CORO1C: variants seen among roughly 807,000 people sequenced by gnomAD.
CORO1C encodes the protein coronin 1C.
A neutral mutation model predicts 51.2 loss-of-function variants in CORO1C; 14 were observed. The ratio of observed to expected loss-of-function variants is 0.27; its 90% CI spans 0.18 to 0.43. The LOEUF is 0.43. Among genes scored for constraint, CORO1C ranks in the 20% least tolerant of loss-of-function variants. The pLI is 1.00. For missense variants in CORO1C, 417 were observed against 607.8 expected (o/e 0.69, Z 3.30); for synonymous variants, 181 against 210.5 (o/e 0.86, Z 1.21).
rs34182326 is a variant in CORO1C at position 108,714,397 on chromosome 12, C to CAAA, written c.-5-13077_-5-13075dup. Among the ~76,000 whole-genome samples, 14 of 94,934 alleles carry CAAA rather than the reference C, an allele frequency of 1.5e-4. 1 individual carries two copies. Among genetic ancestry groups the CAAA allele is most frequent in the African/African-American group, 4.3e-4 (10 of 23,252 alleles). 62.3% of individuals were successfully genotyped at this position (94,934 alleles called of 152,430 possible). A position where few individuals can be genotyped will look rare whatever the true frequency, so the allele number is the denominator to read the frequency against. ...CTGGCAACAGAGCGAGAGTCAGTCTCAAAAAAAAAAAAAAAAAAGAGGAAC... is the reference window on the plus strand; with the variant it reads ...CTGGCAACAGAGCGAGAGTCAGTCTCAAAAAAAAAAAAAAAAAAAAAGAGGAAC... On this transcript the variant is annotated intron_variant, in intron 1 of 10. Transcript: ENST00000261401.
intron 1 of CORO1C, chr12:108,702,708 A>C: frequency 6.0e-6 from 8 of 1,328,254 alleles, no homozygotes; most frequent in East Asian, 2.7e-5. Flanking sequence ...GGCTGTTGCT[A>C]ATTCCTTTCC....
At chr12:108,656,898 G>A (rs1212624891) in intron 6 of CORO1C, among the ~76,000 whole-genome samples, 1 of 152,102 alleles carries the variant, frequency 6.6e-6, no homozygotes, top group Non-Finnish European at 1.5e-5. Flanking sequence ...AGTACCCAGG[G>A]ACACAAACAC....
At chr12:108,675,893 T>A (rs2033889843) in intron 3 of CORO1C, among the ~76,000 whole-genome samples, 1 of 152,124 alleles carries the variant, frequency 6.6e-6, no homozygotes, top group Non-Finnish European at 1.5e-5. Flanking sequence ...AGCTGCCAAT[T>A]TGCAGGAAAT....
intron 2 of CORO1C, among the ~76,000 whole-genome samples, chr12:108,697,660 G>A (rs1474833049): frequency 2.0e-5 from 3 of 152,204 alleles, no homozygotes; most frequent in African/African-American, 7.2e-5. Flanking sequence ...GGTTCACCAT[G>A]TAGTTGGAGT....
At position 108,668,265 on chromosome 12, in the gene CORO1C, G is replaced by A. The variant is rs144800601; in HGVS notation, c.319-6107C>T. Among the ~76,000 whole-genome samples the A allele has an allele frequency of 4.1e-3, 623 of 152,304 alleles. 5 individuals carry two copies. The highest frequency in any genetic ancestry group is 0.013 in the African/African-American group (537 of 41,562). On this transcript the variant is annotated intron_variant, in intron 3 of 10. Coordinates refer to ENST00000261401, the MANE Select transcript of CORO1C (RefSeq NM_014325.4). ...GAACCATGACGTGCAGAGTGGCACCGAGTTCGGGAAAACCAAGAACCGAGT... is the reference window on the plus strand; with the variant it reads ...GAACCATGACGTGCAGAGTGGCACCAAGTTCGGGAAAACCAAGAACCGAGT...
At chr12:108,683,157 T>C (rs992071406) in intron 2 of CORO1C, among the ~76,000 whole-genome samples, 1 of 152,208 alleles carries the variant, frequency 6.6e-6, no homozygotes, top group Non-Finnish European at 1.5e-5. Flanking sequence ...CAGTGGCTCA[T>C]GCCTGTAATC....
intron 2 of CORO1C, among the ~76,000 whole-genome samples, chr12:108,682,388 C>T (rs1436243335): frequency 1.3e-5 from 2 of 152,044 alleles, no homozygotes; most frequent in African/African-American, 4.8e-5. Flanking sequence ...AAAAAGTATA[C>T]CTGGTAGTTA....
chr12:108,721,830 C>T (rs958620062), intron 1 of CORO1C, among the ~76,000 whole-genome samples: 4 of 152,226 alleles, frequency 2.6e-5, no homozygotes, highest in Middle Eastern at 6.8e-3. Flanking sequence ...CACTACCATG[C>T]CCTGATCAAC....
At chr12:108,728,891 A>G (rs995328709) in intron 1 of CORO1C, among the ~76,000 whole-genome samples, 4 of 152,234 alleles carry the variant, frequency 2.6e-5, no homozygotes, top group African/African-American at 9.6e-5. Context: ...GAAGTCATAA[A>G]TGGAAAACAA....
chr12:108,690,377 G>T (rs900554806), intron 2 of CORO1C, among the ~76,000 whole-genome samples: 2 of 152,220 alleles, frequency 1.3e-5, no homozygotes, highest in Admixed American at 6.5e-5. Context: ...GAGGGAGTAT[G>T]GGCCTACAGA....
At chr12:108,706,118 T>C (rs184500872) in intron 1 of CORO1C, among the ~76,000 whole-genome samples, 2 of 141,990 alleles carry the variant, frequency 1.4e-5, no homozygotes, top group East Asian at 2.2e-4. Flanking sequence ...ACCCGGGAGA[T>C]AGCAGTTGCA....
At chr12:108,677,961 G>C (rs940213778) in intron 3 of CORO1C, among the ~76,000 whole-genome samples, 1 of 151,790 alleles carries the variant, frequency 6.6e-6, no homozygotes, top group Non-Finnish European at 1.5e-5. Flanking sequence ...GGAGGTTACA[G>C]TGAGCCGAGA....
At position 108,658,600 on chromosome 12, in the gene CORO1C, A is replaced by C; in HGVS notation, c.630+138T>G. The C allele has an allele frequency of 1.4e-6, 1 of 729,038 alleles. No homozygotes were observed. 45.2% of individuals were successfully genotyped at this position (729,038 alleles called of 1,614,324 possible). On this transcript the variant is annotated intron_variant, in intron 5 of 10. Coordinates refer to ENST00000261401, the MANE Select transcript of CORO1C (RefSeq NM_014325.4). The surrounding 1 kb of genome is among the most constrained non-coding windows in gnomAD (Gnocchi z 4.9). ...CAACTGGGGAGACAGAAGCCTTTAT[A>C]AGCCTTCTCTTATTCACAGTTGGTG... is the stretch of plus-strand genomic sequence containing the variant.
chr12:108,674,108 C>A lies in CORO1C; in HGVS notation c.318+4164G>T, dbSNP rs2033815161. ...ACCCAAGACCTCTGATGAAAATGTA[C>A]AAGGAGATTAACGTTGTTTTCACCT... is the stretch of plus-strand genomic sequence containing the variant. On this transcript the variant is annotated intron_variant, in intron 3 of 10. Coordinates refer to ENST00000261401, the MANE Select transcript of CORO1C (RefSeq NM_014325.4). 2.6e-5 allele frequency among the ~76,000 whole-genome samples: 4 copies of A among 152,286 alleles called. No homozygotes were observed. The South Asian group carries it at 8.3e-4, about 32-fold the overall frequency.
intron 2 of CORO1C, among the ~76,000 whole-genome samples, chr12:108,691,684 A>G (rs953625192): frequency 6.6e-6 from 1 of 152,218 alleles, no homozygotes; most frequent in Non-Finnish European, 1.5e-5. Flanking sequence ...TGGCCGGCTG[A>G]CAGCCACAGC....
At chr12:108,676,215 G>A (rs1047614981) in intron 3 of CORO1C, among the ~76,000 whole-genome samples, 3 of 152,176 alleles carry the variant, frequency 2.0e-5, no homozygotes, top group South Asian at 4.1e-4. Flanking sequence ...TTGTGACTGG[G>A]ATGGGGCACA....
chr12:108,677,146 C>G (rs1204728184), intron 3 of CORO1C, among the ~76,000 whole-genome samples: 1 of 152,190 alleles, frequency 6.6e-6, no homozygotes, highest in East Asian at 1.9e-4. Context: ...GACTACCTGA[C>G]ATGTGCGAGA....
intron 3 of CORO1C, among the ~76,000 whole-genome samples, chr12:108,664,683 G>A (rs1565908039): frequency 6.6e-6 from 1 of 152,154 alleles, no homozygotes; most frequent in Admixed American, 6.5e-5. Context: ...TCTTTCCCCT[G>A]CGGAGAACAT....
In CORO1C at chr12:108,657,433, A is replaced by G; in HGVS notation, c.631-10T>C. On this transcript the variant is annotated splice_polypyrimidine_tract_variant and intron_variant, in intron 5 of 10. Transcript: ENST00000261401. Reference sequence around the variant, plus strand: ...GTGCTTTCTCCTTCTCCTGGAGAGCAAAAAGGCACATGCCACACATTAAAC... The same window carrying G: ...GTGCTTTCTCCTTCTCCTGGAGAGCGAAAAGGCACATGCCACACATTAAAC... 1 of 1,610,700 alleles carries G rather than the reference A, an allele frequency of 6.2e-7. No individual in the cohort carries two copies. Among genetic ancestry groups the G allele is most frequent in the Non-Finnish European group, 8.5e-7 (1 of 1,178,494 alleles).
Sources: allele counts gnomAD v4.1 joint callset (sites outside exome capture counted in the v4.1 genomes callset), GRCh38; gene constraint gnomAD v4.1.1; non-coding constraint Gnocchi (gnomAD v3.1); transcripts MANE v1.5; gene names NCBI Gene and HGNC (gene_info 2026-07-23, HGNC 2026-07-21).